The following KLF8 variants were observed in gnomAD, a reference collection of about 807,000 sequenced individuals.
KLF8 encodes the protein KLF transcription factor 8, also known as Krueppel-like factor 8.
A neutral mutation model predicts 18.2 loss-of-function variants in KLF8; 10 were observed. The ratio of observed to expected loss-of-function variants is 0.55; its 90% CI spans 0.34 to 0.93. KLF8 has a LOEUF of 0.93. KLF8 is among the 40% of genes least tolerant of loss of function. The pLI is 0.02. For missense variants in KLF8, 264 were observed against 277.9 expected, an observed-to-expected ratio of 0.95 and a Z score of 0.36; for synonymous variants, 109 against 97.3, an observed-to-expected ratio of 1.12 and a Z score of -0.71.
chrX:56,012,620 G>T, the KLF8 span, among the ~76,000 whole-genome samples: 1 of 111,377 alleles, frequency 9.0e-6, no homozygotes, highest in East Asian at 2.8e-4. Context: ...AGAAAGAAAT[G>T]AAGGTATTGA....
At chrX:55,978,910 G>A in the KLF8 span, among the ~76,000 whole-genome samples, 21 of 111,678 alleles carry the variant, frequency 1.9e-4, no homozygotes, top group African/African-American at 6.8e-4. Flanking sequence ...GAGGCAAAGA[G>A]GGGTATGGCT....
chrX:56,035,238 T>A, the KLF8 span, among the ~76,000 whole-genome samples: 1 of 111,952 alleles, frequency 8.9e-6, no homozygotes, highest in African/African-American at 3.2e-5. Flanking sequence ...CAGTTCCTAG[T>A]TTATTTTACT....
the KLF8 span, among the ~76,000 whole-genome samples, chrX:56,049,875 C>T: frequency 1.7e-3 from 185 of 107,410 alleles, 1 homozygote; most frequent in Middle Eastern, 0.02. Flanking sequence ...TGGTAGAATT[C>T]GGCTGTGAAT....
the KLF8 span, among the ~76,000 whole-genome samples, chrX:56,176,142 A>C: frequency 8.9e-6 from 1 of 111,924 alleles, no homozygotes; most frequent in Admixed American, 9.5e-5. Flanking sequence ...TGATCCTGGC[A>C]TTATGATGTT....
the KLF8 span, among the ~76,000 whole-genome samples, chrX:56,077,935 C>T: frequency 3.7e-5 from 4 of 108,932 alleles, no homozygotes; most frequent in East Asian, 2.8e-4. Flanking sequence ...ATGATTTGGC[C>T]TCTGTTTGTC....
At chrX:56,206,603 T>C in the KLF8 span, among the ~76,000 whole-genome samples, 1 of 112,702 alleles carries the variant, frequency 8.9e-6, no homozygotes. Context: ...AGGTGGACTC[T>C]CATGGCCTTG....
the KLF8 span, among the ~76,000 whole-genome samples, chrX:56,175,805 A>C: frequency 9.0e-6 from 1 of 111,645 alleles, no homozygotes; most frequent in African/African-American, 3.3e-5. Context: ...ATATATATTT[A>C]GGATAGTTAG....
chrX:55,984,079 G>T, the KLF8 span, among the ~76,000 whole-genome samples: 1 of 108,593 alleles, frequency 9.2e-6, no homozygotes, highest in Admixed American at 1.0e-4. Context: ...TGGTATATGT[G>T]TATATATAAT....
the KLF8 span, among the ~76,000 whole-genome samples, chrX:56,053,234 G>A: frequency 1.2e-4 from 14 of 112,147 alleles, no homozygotes; most frequent in Non-Finnish European, 2.1e-4. Flanking sequence ...CCTCTGCGTC[G>A]CTCACGCTGG....
At chrX:56,037,072 GT>G in the KLF8 span, among the ~76,000 whole-genome samples, 2 of 106,707 alleles carry the variant, frequency 1.9e-5, no homozygotes, top group Admixed American at 2.0e-4. Context: ...TAGTTTTTTT[GT>G]GTATATAAGA....
the KLF8 span, among the ~76,000 whole-genome samples, chrX:55,984,331 T>A: frequency 5.4e-5 from 6 of 110,895 alleles, no homozygotes; most frequent in African/African-American, 6.6e-5. Context: ...ATCATTCAGC[T>A]CCCACTTATA....
rs2067313793 is a variant in KLF8, at chrX:56,290,701, T to C, written c.*6207T>C. 9.0e-6 allele frequency among the ~76,000 whole-genome samples: 1 copy of C among 110,917 alleles called. No individual in the cohort carries two copies. The highest frequency in any genetic ancestry group is 9.6e-5 in the Admixed American group (1 of 10,385). On this transcript the variant is annotated 3_prime_UTR_variant, in exon 6 of 6. Transcript: ENST00000468660. ...TTGGCCAGTTCAGTTTCACCACTTATATTTTCTCTTTCCCAACTTACTTTA... is the reference window on the plus strand; with the variant it reads ...TTGGCCAGTTCAGTTTCACCACTTACATTTTCTCTTTCCCAACTTACTTTA...
chrX:55,944,893 T>C, the KLF8 span, among the ~76,000 whole-genome samples: 29 of 111,355 alleles, frequency 2.6e-4, no homozygotes, highest in South Asian at 0.011. Context: ...TGTTTGCTCT[T>C]GCTTTTCTAG....
the KLF8 span, among the ~76,000 whole-genome samples, chrX:55,965,969 G>T: frequency 8.9e-6 from 1 of 111,924 alleles, no homozygotes; most frequent in African/African-American, 3.2e-5. Flanking sequence ...GAACATTTGG[G>T]CCTTAAGTGA....
the KLF8 span, among the ~76,000 whole-genome samples, chrX:56,114,879 A>G: frequency 8.9e-6 from 1 of 112,287 alleles, no homozygotes; most frequent in East Asian, 2.8e-4. Context: ...TGGCATCAGA[A>G]GCGTTGGCTT....
At chrX:56,025,568 C>T in the KLF8 span, among the ~76,000 whole-genome samples, 1 of 112,157 alleles carries the variant, frequency 8.9e-6, no homozygotes, top group Non-Finnish European at 1.9e-5. Context: ...TTTTCCCAAT[C>T]TAGAGAACCG....
rs754821544 is a variant in KLF8, at chrX:56,262,345, G to T, written c.82-2835G>T. Among the ~76,000 whole-genome samples, 9 of 111,760 alleles carry T rather than the reference G, an allele frequency of 8.1e-5. No individual in the cohort carries two copies. In the East Asian group the frequency reaches 8.4e-4, roughly 10 times the overall value. ...CAGTTTCCATTTTAGATGTTCCTAC[G>T]TAATGTTTTTCAATAAAATGCATAC... is the stretch of plus-strand genomic sequence containing the variant. On this transcript the variant is annotated intron_variant, in intron 2 of 5. Coordinates refer to ENST00000468660, the MANE Select transcript of KLF8 (RefSeq NM_007250.5).
At chrX:56,052,276 G>A in the KLF8 span, among the ~76,000 whole-genome samples, 2 of 112,442 alleles carry the variant, frequency 1.8e-5, no homozygotes, top group Admixed American at 1.9e-4. Context: ...GCTCGTCAAA[G>A]TCATTCTCCA....
chrX:56,252,266 G>A (rs1051341892), intron 2 of KLF8, among the ~76,000 whole-genome samples: 4 of 111,169 alleles, frequency 3.6e-5, no homozygotes, highest in South Asian at 3.8e-4. Flanking sequence ...TGCCCATGTC[G>A]GCCTCCCAAA....
Sources: allele counts gnomAD v4.1 joint callset (sites outside exome capture counted in the v4.1 genomes callset), GRCh38; gene constraint gnomAD v4.1.1; transcripts MANE v1.5; gene names NCBI Gene and HGNC (gene_info 2026-07-23, HGNC 2026-07-21).